The following ATXN2 variants were observed in gnomAD, a reference collection of about 807,000 sequenced individuals.
ATXN2 encodes ataxin 2, also known as ataxin-2.
A neutral mutation model predicts 138.6 loss-of-function variants in ATXN2; 37 were observed. The observed-to-expected ratio is 0.27, with a 90% CI of 0.21 to 0.35. The LOEUF (loss-of-function observed/expected upper bound fraction) is 0.35, where lower values mean the gene tolerates loss of function less well. Among genes scored for constraint, ATXN2 ranks in the 10% least tolerant of loss-of-function variants. ATXN2 has a pLI of 1.00. For missense variants in ATXN2, 1,216 were observed against 1,480.3 expected (o/e 0.82, Z 2.93); for synonymous variants, 549 against 543.7 (o/e 1.01, Z -0.13).
At chr12:111,504,933 A>G (rs1316428978) in intron 14 of ATXN2, among the ~76,000 whole-genome samples, 2 of 152,226 alleles carry the variant, frequency 1.3e-5, no homozygotes, top group Admixed American at 6.5e-5. Context: ...TGCACAAGAA[A>G]GAATTCAGGG....
intron 14 of ATXN2, among the ~76,000 whole-genome samples, chr12:111,509,303 T>C (rs1225865660): frequency 6.6e-6 from 1 of 152,184 alleles, no homozygotes; most frequent in African/African-American, 2.4e-5. Context: ...TAGTAAGCTG[T>C]GCTATGGTGG....
intron 22 of ATXN2, among the ~76,000 whole-genome samples, chr12:111,456,956 G>A (rs912678278): frequency 1.3e-5 from 2 of 151,928 alleles, no homozygotes; most frequent in East Asian, 1.9e-4. Flanking sequence ...CACAGTGTTC[G>A]CCAGGATGGT....
chr12:111,519,620 G>A (rs775361783), intron 8 of ATXN2, among the ~76,000 whole-genome samples: 1 of 152,076 alleles, frequency 6.6e-6, no homozygotes, highest in Non-Finnish European at 1.5e-5. Context: ...TCCCCCACCA[G>A]ATAACTATTT....
At chr12:111,471,934 A>C (rs1047785239) in intron 18 of ATXN2, 8 of 152,114 alleles carry the variant, frequency 5.3e-5, no homozygotes, top group Admixed American at 3.9e-4. Flanking sequence ...TATTATTTAG[A>C]TATCATGTGT....
At chr12:111,569,794 G>GA (rs1883212367) in intron 1 of ATXN2, among the ~76,000 whole-genome samples, 1 of 152,066 alleles carries the variant, frequency 6.6e-6, no homozygotes, top group South Asian at 2.1e-4. Flanking sequence ...TCCCTCTAGA[G>GA]AAAGGGATAA....
Position 111,584,141 on chromosome 12 carries a change from G to A in ATXN2, c.251+14643C>T, listed in dbSNP as rs145636401. On this transcript the variant is annotated intron_variant, in intron 1 of 24. Transcript: ENST00000673436. ...TCATCCCTGTAATCCCAGCATTTCT[G>A]GACACCAAGGTGGGTGGATCATCTG... Among the ~76,000 whole-genome samples the A allele has an allele frequency of 7.9e-5, 12 of 151,816 alleles. No individual in the cohort carries two copies. The East Asian group carries it at 2.1e-3, about 27-fold the overall frequency.
At chr12:111,469,471 G>A (rs1876255495) in intron 20 of ATXN2, 1 of 152,154 alleles carries the variant, frequency 6.6e-6, no homozygotes, top group Non-Finnish European at 1.5e-5. Flanking sequence ...GTCACAAAAC[G>A]AAGATGGGTT....
intron 18 of ATXN2, 133 bp downstream of exon 18, chr12:111,485,132 G>A (rs1157771125): frequency 2.7e-6 from 2 of 727,358 alleles, no homozygotes; most frequent in African/African-American, 3.5e-5. Flanking sequence ...ATGTAATGTT[G>A]TTCATCAAAA....
At chr12:111,474,624 C>G (rs1876664603) in intron 18 of ATXN2, among the ~76,000 whole-genome samples, 1 of 151,964 alleles carries the variant, frequency 6.6e-6, no homozygotes, top group African/African-American at 2.4e-5. Context: ...AAAACAAAAC[C>G]AAAACCAACT....
At chr12:111,539,384 A>ACT (rs1881367375) in intron 5 of ATXN2, among the ~76,000 whole-genome samples, 1 of 150,086 alleles carries the variant, frequency 6.7e-6, no homozygotes, top group Non-Finnish European at 1.5e-5. Context: ...AATAAGGAGA[A>ACT]ATCAGTCCAA....
rs892818708 is a variant in ATXN2 at position 111,598,768 on chromosome 12, G to A, written c.251+16C>T. On this transcript the variant is annotated intron_variant, in intron 1 of 24. Coordinates refer to ENST00000673436, the MANE Select transcript of ATXN2 (RefSeq NM_001372574.1). This position sits in a 1 kb window ranked among gnomAD's most constrained non-coding sequence, Gnocchi z 4.5. ...GCCGGGCCCGGAGCGGAGGGGGCTG[G>A]GGTGCCGACACCCACCTGCCCAGGC... The A allele has an allele frequency of 7.8e-7, 1 of 1,287,624 alleles. No individual in the cohort carries two copies. The allele number at this position is 1,287,624 out of a possible 1,614,324, so 79.8% of individuals were successfully genotyped here.
chr12:111,527,854 C>A (rs657197), intron 5 of ATXN2, among the ~76,000 whole-genome samples: 56,969 of 152,122 alleles, frequency 0.37, 14,792 homozygotes, highest in East Asian at 0.9. Flanking sequence ...ACCTGAATCA[C>A]GTTCTTCTCT....
intron 14 of ATXN2, among the ~76,000 whole-genome samples, chr12:111,493,983 T>C (rs921926822): frequency 6.8e-6 from 1 of 148,018 alleles, no homozygotes; most frequent in Admixed American, 6.8e-5. Flanking sequence ...CAGACTGGAG[T>C]GCAGTGGCGC....
chr12:111,486,744 G>GA lies in ATXN2; in HGVS notation c.2304+16dup. Reference sequence around the variant, plus strand: ...TTTTTTGGGACTAGATAACCTCAAAGAAAGTAATAAACCTACCTGAGAGAA... The same window carrying GA: ...TTTTTTGGGACTAGATAACCTCAAAGAAAAGTAATAAACCTACCTGAGAGAA... On this transcript the variant is annotated intron_variant, in intron 16 of 24. Transcript: ENST00000673436. 6.3e-7 allele frequency: 1 copy of GA among 1,594,886 alleles called. No individual in the cohort carries two copies. The highest frequency in any genetic ancestry group is 2.2e-5 in the East Asian group (1 of 44,722).
chr12:111,509,959 G>A lies in ATXN2; in HGVS notation c.1796C>T (p.Pro599Leu). 6.2e-7 allele frequency: 1 copy of A among 1,612,868 alleles called. No homozygotes were observed. Among genetic ancestry groups the A allele is most frequent in the South Asian group, 1.1e-5 (1 of 90,804 alleles). ...SRLQDQRQNS[P>L]AGNKENIKPN... ...TTTAATATTTTCTTTATTCCCTGCA[G>A]GAGAGTTCTGCCTCTGATCTTGAAG... The change falls in exon 13 of 25, where the codon CCT (proline) becomes CTT (leucine). Residue 599 changes from proline to leucine, a missense_variant. Coordinates refer to ENST00000673436, the MANE Select transcript of ATXN2 (RefSeq NM_001372574.1).
chr12:111,513,473 C>T lies in ATXN2; in HGVS notation c.1442G>A (p.Gly481Asp). 6.2e-7 allele frequency: 1 copy of T among 1,613,974 alleles called. No homozygotes were observed. Among genetic ancestry groups the T allele is most frequent in the Non-Finnish European group, 8.5e-7 (1 of 1,179,994 alleles). ...PRNHRVSAGR[G>D]SISSGLEFVS... ...AAATTCTAGGCCACTGGATATGGAA[C>T]CCCTCCCAGCAGAAACTCTGTGATT... The change falls in exon 11 of 25, where the codon GGT (glycine) becomes GAT (aspartate). Residue 481 changes from glycine to aspartate, a missense_variant. Around this residue, in one of 4 missense-constraint regions of ATXN2, gnomAD observed 215 missense variants for 210.0 expected, o/e 1.02. Coordinates refer to ENST00000673436, the MANE Select transcript of ATXN2 (RefSeq NM_001372574.1).
At chr12:111,546,009 A>G (rs558970729) in intron 5 of ATXN2, among the ~76,000 whole-genome samples, 2 of 151,508 alleles carry the variant, frequency 1.3e-5, no homozygotes, top group East Asian at 3.9e-4. Flanking sequence ...ATAAATTTGT[A>G]GATAAGGAAG....
intron 7 of ATXN2, 67 bp from the exon 8 acceptor site, chr12:111,520,143 T>C: frequency 6.5e-7 from 1 of 1,548,812 alleles, no homozygotes; most frequent in Non-Finnish European, 8.7e-7. Flanking sequence ...TCTGTCATAA[T>C]CAACTACTAA....
intron 18 of ATXN2, among the ~76,000 whole-genome samples, chr12:111,477,581 T>C (rs985066891): frequency 1.3e-5 from 2 of 152,108 alleles, no homozygotes; most frequent in Admixed American, 6.5e-5. Context: ...AGAGAAAAGC[T>C]TGATAAATAA....
Sources: gnomAD v4.1 joint callset for allele counts (sites outside exome capture counted in the v4.1 genomes callset) on GRCh38, gnomAD v4.1.1 for gene constraint, gnomAD v4.1.1 regional missense constraint, Gnocchi (gnomAD v3.1) non-coding constraint, MANE v1.5 for transcripts, NCBI Gene and HGNC (gene_info 2026-07-23, HGNC 2026-07-21) for gene names.